The following NREP variants were observed in gnomAD, a reference collection of about 807,000 sequenced individuals.
NREP encodes neuronal regeneration related protein, also known as neuronal regeneration-related protein.
Under a neutral mutation model 8.6 loss-of-function variants are expected in NREP, and 5 were observed. That is an observed-to-expected ratio of 0.58 (90% CI 0.30 to 1.22). The LOEUF (loss-of-function observed/expected upper bound fraction) is 1.22. Among genes scored for constraint, NREP ranks in the 50% most tolerant of loss-of-function variants. The pLI is 0.07. For synonymous variants in NREP, 27 were observed against 28.0 expected, an observed-to-expected ratio of 0.96 and a Z score of 0.11; for missense variants, 86 against 82.5, an observed-to-expected ratio of 1.04 and a Z score of -0.17.
intron 2 of NREP, among the ~76,000 whole-genome samples, chr5:111,793,027 C>T (rs945099168): frequency 6.6e-5 from 10 of 152,096 alleles, no homozygotes; most frequent in Non-Finnish European, 1.3e-4. Context: ...GGGGACATGT[C>T]GTACTAATTA....
At chr5:111,973,267 A>T (rs1448413550) in intron 2 of NREP, among the ~76,000 whole-genome samples, 5 of 1,072 alleles carry the variant, frequency 4.7e-3, no homozygotes, top group African/African-American at 6.7e-3. Flanking sequence ...CCCCCTTTTA[A>T]AAAAAAAATG....
chr5:111,770,634 A>T lies in NREP; in HGVS notation c.136-35127T>A, dbSNP rs1435540203. 2.0e-5 allele frequency among the ~76,000 whole-genome samples: 3 copies of T among 148,106 alleles called. No individual in the cohort carries two copies. The Admixed American group carries it at 2.0e-4, about 10-fold the overall frequency. On this transcript the variant is annotated intron_variant, in intron 2 of 3. Coordinates refer to the NREP transcript ENST00000395634. ...CAGGCTGGATGGAGTACAGCGAAAC[A>T]ATCACGGCTCACTACAGCCTCCCCC...
At chr5:111,886,719 A>T (rs1197169624) in intron 2 of NREP, among the ~76,000 whole-genome samples, 1 of 151,282 alleles carries the variant, frequency 6.6e-6, no homozygotes, top group Non-Finnish European at 1.5e-5. Flanking sequence ...AACTATCGCA[A>T]GAACAAAAAA....
intron 2 of NREP, among the ~76,000 whole-genome samples, chr5:111,896,589 A>G (rs1754516181): frequency 6.6e-6 from 1 of 152,202 alleles, no homozygotes. Context: ...GCTACCAACC[A>G]TTTAAACCGG....
At chr5:111,876,352 C>T (rs1269659361) in intron 2 of NREP, among the ~76,000 whole-genome samples, 1 of 152,208 alleles carries the variant, frequency 6.6e-6, no homozygotes, top group Non-Finnish European at 1.5e-5. Flanking sequence ...CCTTCTACCT[C>T]CTGTATCACT....
chr5:111,781,353 T>C (rs953255447), intron 2 of NREP, among the ~76,000 whole-genome samples: 1 of 152,094 alleles, frequency 6.6e-6, no homozygotes, highest in African/African-American at 2.4e-5. Context: ...AGGAAGTCCA[T>C]GCAACATGGA....
At chr5:111,739,955 A>G (rs931494392) in intron 2 of NREP, among the ~76,000 whole-genome samples, 1 of 152,128 alleles carries the variant, frequency 6.6e-6, no homozygotes, top group African/African-American at 2.4e-5. Context: ...CCAGAAGTCT[A>G]TTAGAAAATC....
chr5:111,949,681 T>A (rs1389824641), intron 2 of NREP, among the ~76,000 whole-genome samples: 26 of 152,056 alleles, frequency 1.7e-4, no homozygotes, highest in Non-Finnish European at 2.5e-4. Flanking sequence ...CATGTGGTGT[T>A]TCGTTTTCTG....
intron 2 of NREP, among the ~76,000 whole-genome samples, chr5:111,799,084 T>C (rs1349797429): frequency 1.3e-5 from 2 of 152,178 alleles, no homozygotes; most frequent in East Asian, 1.9e-4. Flanking sequence ...TTGGTTGTAT[T>C]TGGCTTTATT....
At chr5:111,868,794 T>G (rs1259736122) in intron 2 of NREP, among the ~76,000 whole-genome samples, 2 of 152,070 alleles carry the variant, frequency 1.3e-5, no homozygotes, top group African/African-American at 4.8e-5. Context: ...CACAAATTCA[T>G]CTAAATGGCA....
intron 2 of NREP, among the ~76,000 whole-genome samples, chr5:111,809,950 T>C (rs1426603571): frequency 1.3e-5 from 2 of 151,672 alleles, no homozygotes; most frequent in Non-Finnish European, 2.9e-5. Flanking sequence ...ACAGCAAATC[T>C]CTAGACTAGC....
chr5:111,767,330 A>G (rs895290646), intron 2 of NREP, among the ~76,000 whole-genome samples: 2 of 152,158 alleles, frequency 1.3e-5, no homozygotes, highest in African/African-American at 4.8e-5. Flanking sequence ...CGAAGAATCT[A>G]TGCATAGGTA....
At chr5:111,749,305 A>T (rs1466996481) in intron 2 of NREP, among the ~76,000 whole-genome samples, 1 of 152,154 alleles carries the variant, frequency 6.6e-6, no homozygotes, top group East Asian at 1.9e-4. Flanking sequence ...TTACTGAGAG[A>T]TTTACAGACA....
At chr5:111,924,572 CCT>C (rs758920031) in intron 2 of NREP, among the ~76,000 whole-genome samples, 4 of 152,068 alleles carry the variant, frequency 2.6e-5, no homozygotes, top group Non-Finnish European at 5.9e-5. Flanking sequence ...GGGACTATGG[CCT>C]CAATGAGGCA....
chr5:111,891,298 T>C (rs577700830), intron 2 of NREP, among the ~76,000 whole-genome samples: 2 of 152,312 alleles, frequency 1.3e-5, no homozygotes, highest in South Asian at 4.1e-4. Flanking sequence ...TCCAAATAAG[T>C]TTCTGATTTC....
intron 2 of NREP, among the ~76,000 whole-genome samples, chr5:111,970,948 A>G (rs1223011226): frequency 6.6e-6 from 1 of 151,860 alleles, no homozygotes; most frequent in Non-Finnish European, 1.5e-5. Flanking sequence ...TTTAGTGTGC[A>G]TCAGAATTAC....
intron 2 of NREP, among the ~76,000 whole-genome samples, chr5:111,753,727 C>G (rs2112847029): frequency 6.6e-6 from 1 of 152,190 alleles, no homozygotes; most frequent in South Asian, 2.1e-4. Flanking sequence ...TACTGCTTCA[C>G]TAGAAGCAGT....
At chr5:111,853,549 C>A (rs1753358154) in intron 2 of NREP, among the ~76,000 whole-genome samples, 1 of 151,964 alleles carries the variant, frequency 6.6e-6, no homozygotes, top group Non-Finnish European at 1.5e-5. Context: ...TAAAACTGTT[C>A]TGAAAAGTCA....
intron 2 of NREP, among the ~76,000 whole-genome samples, chr5:111,800,054 G>T (rs928855002): frequency 6.6e-6 from 1 of 151,504 alleles, no homozygotes; most frequent in Admixed American, 6.6e-5. Context: ...TGAGTAGCTG[G>T]GACTATAGGT....
Sources: allele counts gnomAD v4.1 joint callset (sites outside exome capture counted in the v4.1 genomes callset), GRCh38; gene constraint gnomAD v4.1.1; transcripts MANE v1.5; gene names NCBI Gene and HGNC (gene_info 2026-07-23, HGNC 2026-07-21).